Variants in NECTIN3 observed in about 807,000 individuals in gnomAD.
The protein encoded by NECTIN3 is nectin cell adhesion molecule 3.
NECTIN3 carries 8 observed loss-of-function variants against 49.4 expected under a neutral mutation model. The ratio of observed to expected loss-of-function variants is 0.16; its 90% confidence interval spans 0.10 to 0.29. NECTIN3 has a LOEUF of 0.29. Among genes scored for constraint, NECTIN3 ranks in the 10% least tolerant of loss-of-function variants. NECTIN3 has a pLI of 1.00. For missense variants in NECTIN3, 581 were observed against 654.6 expected (o/e 0.89, Z 1.23); for synonymous variants, 277 against 241.1 (o/e 1.15, Z -1.38).
At chr3:111,146,744 ATATT>A in intron 6 of NECTIN3, among the ~76,000 whole-genome samples, 1 of 152,304 alleles carries the variant, frequency 6.6e-6, no homozygotes, top group South Asian at 2.1e-4. Flanking sequence ...GCATGAGACT[ATATT>A]TATAAAATTT....
rs1576151455 is a variant in NECTIN3 at position 111,135,396 on chromosome 3, TG to T, written c.*1182del. The stretch of plus-strand genomic sequence containing the variant: ...CTGGAAACATGAGGTTTTTTGTTTT[TG>T]TTTTTTTACATAATTACATATATTC... On this transcript the variant is annotated 3_prime_UTR_variant, in exon 6 of 6. Coordinates refer to ENST00000485303, the MANE Select transcript of NECTIN3 (RefSeq NM_015480.3). 1 of 934,308 alleles carries T rather than the reference TG, an allele frequency of 1.1e-6. No individual in the cohort carries two copies. Among genetic ancestry groups the T allele is most frequent in the African/African-American group, 1.8e-5 (1 of 56,018 alleles). The allele number at this position is 934,308 out of a possible 1,614,324, so 57.9% of individuals were successfully genotyped here.
chr3:111,147,473 G>A (rs1266031297), exon 7 of NECTIN3: 1 of 1,523,648 alleles, frequency 6.6e-7, no homozygotes, highest in Non-Finnish European at 8.8e-7. Context: ...GCCTCAGAAA[G>A]ACCTATTTCA....
intron 7 of NECTIN3, among the ~76,000 whole-genome samples, chr3:111,165,999 G>A (rs761882016): frequency 2.0e-5 from 3 of 152,116 alleles, no homozygotes; most frequent in Non-Finnish European, 4.4e-5. Flanking sequence ...GATAGGCTTG[G>A]TTATGCTGCA....
At chr3:111,089,073 T>C (rs1387178297) in intron 1 of NECTIN3, among the ~76,000 whole-genome samples, 1 of 152,090 alleles carries the variant, frequency 6.6e-6, no homozygotes, top group African/African-American at 2.4e-5. Context: ...TTCAAATCTT[T>C]TGACAAAAAA....
chr3:111,098,111 T>G (rs769510705), intron 1 of NECTIN3, among the ~76,000 whole-genome samples: 1 of 152,208 alleles, frequency 6.6e-6, no homozygotes, highest in Non-Finnish European at 1.5e-5. Flanking sequence ...GGTTTTAATC[T>G]GTAAAGTTAT....
chr3:111,103,065 C>T (rs1195171069), intron 1 of NECTIN3, among the ~76,000 whole-genome samples: 7 of 152,064 alleles, frequency 4.6e-5, no homozygotes, highest in Non-Finnish European at 8.8e-5. Context: ...TATGTTAAGT[C>T]TTGAAGTCAG....
chr3:111,119,211 A>G (rs1010077309), intron 3 of NECTIN3, among the ~76,000 whole-genome samples: 24 of 152,194 alleles, frequency 1.6e-4, no homozygotes, highest in African/African-American at 5.8e-4. Context: ...TTAGGGAGTT[A>G]TGGCAACTTG....
chr3:111,173,363 A>T (rs1449225660), intron 7 of NECTIN3, among the ~76,000 whole-genome samples: 1 of 152,076 alleles, frequency 6.6e-6, no homozygotes, highest in Non-Finnish European at 1.5e-5. Context: ...ATCATACGTG[A>T]TTTTTTCAGT....
At chr3:111,179,057 G>A (rs1452517819) in intron 7 of NECTIN3, among the ~76,000 whole-genome samples, 1 of 152,196 alleles carries the variant, frequency 6.6e-6, no homozygotes, top group Non-Finnish European at 1.5e-5. Flanking sequence ...CAGGTAGTAA[G>A]GGAAGAATCT....
intron 1 of NECTIN3, among the ~76,000 whole-genome samples, chr3:111,074,472 TTGC>T (rs2031034717): frequency 6.6e-6 from 1 of 152,168 alleles, no homozygotes; most frequent in South Asian, 2.1e-4. Flanking sequence ...ATTTTTCCTT[TTGC>T]TGCTATTTTT....
intron 1 of NECTIN3, among the ~76,000 whole-genome samples, chr3:111,086,407 G>C (rs555291528): frequency 3.3e-5 from 5 of 152,020 alleles, no homozygotes; most frequent in African/African-American, 1.2e-4. Flanking sequence ...TTTATTATTT[G>C]CCTTTACTGT....
At chr3:111,166,620 G>T (rs182459419) in intron 7 of NECTIN3, among the ~76,000 whole-genome samples, 370 of 152,290 alleles carry the variant, frequency 2.4e-3, no homozygotes, top group African/African-American at 8.3e-3. Flanking sequence ...TTTGAGATCT[G>T]GGATCAATCT....
Position 111,118,689 on chromosome 3 carries a change from A to C in NECTIN3, c.536A>C (p.Asp179Ala). Residue 179 changes from aspartate to alanine, a missense_variant, in exon 3 of 6, where the codon GAT (aspartate) becomes GCT (alanine). By Grantham distance (126) the Asp-to-Ala change is moderately radical (BLOSUM62 -2). This residue lies in a region of NECTIN3 where 234 missense variants were observed against 340.6 expected (regional missense o/e 0.69). Coordinates refer to ENST00000485303, the MANE Select transcript of NECTIN3 (RefSeq NM_015480.3). ...ACTGTGAGCCTGATAAAAGGGCCAG[A>C]TTCTTTAATTGATGGAGGAAATGAA... The part of the protein sequence containing the change: ...EPTVSLIKGP[D>A]SLIDGGNETV... The C allele has an allele frequency of 7.4e-6, 12 of 1,610,990 alleles. No homozygotes were observed. Among genetic ancestry groups the C allele is most frequent in the Non-Finnish European group, 1.0e-5 (12 of 1,178,252 alleles).
chr3:111,085,122 A>G (rs991216757), intron 1 of NECTIN3, among the ~76,000 whole-genome samples: 2 of 152,226 alleles, frequency 1.3e-5, no homozygotes, highest in African/African-American at 4.8e-5. Flanking sequence ...CAATAGGACA[A>G]AAGTCATATC....
chr3:111,180,403 G>T (rs1172122476), intron 7 of NECTIN3, among the ~76,000 whole-genome samples: 1 of 152,192 alleles, frequency 6.6e-6, no homozygotes, highest in East Asian at 1.9e-4. Context: ...TTATCTTGGA[G>T]AACAGTAACA....
intron 7 of NECTIN3, among the ~76,000 whole-genome samples, chr3:111,160,252 A>G (rs1314042733): frequency 6.6e-6 from 1 of 152,116 alleles, no homozygotes; most frequent in Non-Finnish European, 1.5e-5. Flanking sequence ...TACCTTCTTA[A>G]TATCTTAAAA....
chr3:111,123,149 G>C (rs943303326), intron 4 of NECTIN3, among the ~76,000 whole-genome samples: 3 of 151,970 alleles, frequency 2.0e-5, no homozygotes, highest in Admixed American at 6.6e-5. Flanking sequence ...AGAATGAGAA[G>C]ATGCTCTTAT....
chr3:111,172,884 A>C (rs999890996), intron 7 of NECTIN3, among the ~76,000 whole-genome samples: 3 of 152,214 alleles, frequency 2.0e-5, no homozygotes, highest in Admixed American at 1.3e-4. Flanking sequence ...GGTTTGAGCT[A>C]AACATGAGAT....
rs185098642 is a variant in NECTIN3, at chr3:111,080,085, C to G, written c.160+7908C>G. On this transcript the variant is annotated intron_variant, in intron 1 of 5. Coordinates refer to ENST00000485303, the MANE Select transcript of NECTIN3 (RefSeq NM_015480.3). ...GATTTTGAATAACAAAAAGGCATAT[C>G]AAGTTTATAATTAGTAATACTAATT... 1.2e-3 allele frequency among the ~76,000 whole-genome samples: 178 copies of G among 152,054 alleles called. 2 individuals are homozygous for G. Among genetic ancestry groups the G allele is most frequent in the Non-Finnish European group, 5.7e-4 (39 of 67,942 alleles).
Sources: gnomAD v4.1 joint callset for allele counts (sites outside exome capture counted in the v4.1 genomes callset) on GRCh38, gnomAD v4.1.1 for gene constraint, gnomAD v4.1.1 regional missense constraint, MANE v1.5 for transcripts, NCBI Gene and HGNC (gene_info 2026-07-23, HGNC 2026-07-21) for gene names.